The following DCP2 variants were observed in gnomAD, a reference collection of about 807,000 sequenced individuals.
The protein encoded by DCP2 is decapping mRNA 2.
Under a neutral mutation model 56.1 loss-of-function variants are expected in DCP2, and 30 were observed. The ratio of observed to expected loss-of-function variants is 0.53; its 90% CI spans 0.40 to 0.73. The LOEUF is 0.73. Ranked by LOEUF, DCP2 falls within the 30% of genes least tolerant of loss-of-function variation. The pLI, the probability that DCP2 is intolerant of heterozygous loss-of-function variation, is 0.00. For synonymous variants in DCP2, 197 were observed against 163.3 expected (o/e 1.21, Z -1.57); for missense variants, 533 against 502.7 (o/e 1.06, Z -0.58).
At chr5:113,005,627 T>C (rs907073063) in intron 8 of DCP2, among the ~76,000 whole-genome samples, 6 of 152,208 alleles carry the variant, frequency 3.9e-5, no homozygotes, top group Admixed American at 1.3e-4. Context: ...AGAGTTACCA[T>C]GTGACTCAGC....
chr5:112,987,990 A>G (rs1222205128), intron 2 of DCP2, among the ~76,000 whole-genome samples: 2 of 152,220 alleles, frequency 1.3e-5, no homozygotes, highest in East Asian at 1.9e-4. Flanking sequence ...CGTGTACTAG[A>G]ACTAGAGTTG....
At chr5:113,010,231 G>C (rs1353539215) in intron 9 of DCP2, among the ~76,000 whole-genome samples, 3 of 140,148 alleles carry the variant, frequency 2.1e-5, no homozygotes, top group Non-Finnish European at 4.6e-5. Flanking sequence ...TTTTTTGGTA[G>C]AAATAGGTCT....
intron 1 of DCP2, among the ~76,000 whole-genome samples, chr5:112,978,099 C>T (rs1450023762): frequency 6.6e-6 from 1 of 152,084 alleles, no homozygotes; most frequent in Non-Finnish European, 1.5e-5. Flanking sequence ...GCCTCAGCCT[C>T]CCTAGCAGCT....
intron 1 of DCP2, chr5:112,984,695 AAAAAAAAAATAT>A (rs1748169081): frequency 1.3e-5 from 1 of 75,754 alleles, no homozygotes; most frequent in Admixed American, 1.2e-4. Context: ...TTAAAAAAAA[AAAAAAAAAATAT>A]ATATATATAT....
chr5:112,996,326 T>G lies in DCP2; in HGVS notation c.432+3556T>G, dbSNP rs1580813347. Among the ~76,000 whole-genome samples, 2 of 152,230 alleles carry G rather than the reference T, an allele frequency of 1.3e-5. 1 individual carries two copies. The highest frequency in any genetic ancestry group is 4.1e-4 in the South Asian group (2 of 4,832). The stretch of plus-strand genomic sequence containing the variant: ...TTAATGCCTCGTTTTTCCTTTTCAT[T>G]TCCACTTGTATTAACAGATGAGGAG... On this transcript the variant is annotated intron_variant, in intron 4 of 10. Transcript: ENST00000389063.
rs779097913 is a variant in DCP2, at chr5:112,992,113, A to G, written c.206-8A>G. 43 of 1,613,312 alleles carry G rather than the reference A, an allele frequency of 2.7e-5. No individual in the cohort carries two copies. The highest frequency in any genetic ancestry group is 4.4e-5 in the South Asian group (4 of 90,824). ...AGGAGAAAGTAACTTCCTTGACACT[A>G]TTTATACTCTTCAGTCATTGTCCGT... On this transcript the variant is annotated splice_region_variant and splice_polypyrimidine_tract_variant and intron_variant, in intron 2 of 10. Coordinates refer to ENST00000389063, the MANE Select transcript of DCP2 (RefSeq NM_152624.6).
chr5:112,987,787 A>G (rs1258853694), intron 2 of DCP2, among the ~76,000 whole-genome samples: 2 of 151,230 alleles, frequency 1.3e-5, no homozygotes, highest in Non-Finnish European at 2.9e-5. Context: ...TTTTTATTCC[A>G]TAGGTCTTTT....
intron 9 of DCP2, among the ~76,000 whole-genome samples, chr5:113,009,261 A>C (rs1294544355): frequency 6.6e-6 from 1 of 152,246 alleles, no homozygotes; most frequent in Admixed American, 6.5e-5. Flanking sequence ...TTCACAAAAT[A>C]CTCTCACATT....
rs1484274106 is a variant in DCP2, at chr5:113,020,727, C to A, written c.*7243C>A. 6.6e-6 allele frequency: 1 copy of A among 152,182 alleles called. No homozygotes were observed. Among genetic ancestry groups the A allele is most frequent in the Non-Finnish European group, 1.5e-5 (1 of 68,036 alleles). 9.4% of individuals were successfully genotyped at this position (152,182 alleles called of 1,614,324 possible). A position where few individuals can be genotyped will look rare whatever the true frequency, so the allele number is the denominator to read the frequency against. ...GACCCACTAGAATGTCAGCTGTACT[C>A]TGTACTCTCCACTGAGAAAATGAAC... On this transcript the variant is annotated 3_prime_UTR_variant, in exon 11 of 11. Transcript: ENST00000389063.
intron 8 of DCP2, among the ~76,000 whole-genome samples, chr5:113,004,963 A>C (rs1259218106): frequency 6.6e-6 from 1 of 152,076 alleles, no homozygotes; most frequent in Non-Finnish European, 1.5e-5. Flanking sequence ...GTCTTTACTA[A>C]AAATACAAAA....
rs750887122 is a variant in DCP2 at position 113,010,819 on chromosome 5, C to T, written c.1099+12C>T. On this transcript the variant is annotated intron_variant, in intron 10 of 10. Coordinates refer to ENST00000389063, the MANE Select transcript of DCP2 (RefSeq NM_152624.6). ...TAATTTTGAAACAGGCAAGTCATTTCCTATCTTTTTATAATCTCTGCCTTG... is the reference window on the plus strand; with the variant it reads ...TAATTTTGAAACAGGCAAGTCATTTTCTATCTTTTTATAATCTCTGCCTTG... The T allele has an allele frequency of 3.8e-6, 6 of 1,594,416 alleles. No homozygotes were observed. Among genetic ancestry groups the T allele is most frequent in the Non-Finnish European group, 5.1e-6 (6 of 1,174,292 alleles).
intron 1 of DCP2, among the ~76,000 whole-genome samples, chr5:112,979,680 C>T (rs532809035): frequency 1.3e-5 from 2 of 152,250 alleles, no homozygotes; most frequent in Non-Finnish European, 2.9e-5. Context: ...CAAAATGTGA[C>T]TTTGTAACCT....
Position 113,021,461 on chromosome 5 carries a change from TTAAG to T in DCP2, c.*7979_*7982del, listed in dbSNP as rs144006207. Among the ~76,000 whole-genome samples the T allele has an allele frequency of 9.3e-3, 1,398 of 149,944 alleles. 29 individuals are homozygous for T. The highest frequency in any genetic ancestry group is 0.032 in the African/African-American group (1,313 of 40,796). ...GCAAAAATGAAAATACCTCAAACAA[TTAAG>T]TTTGTTGCTTTAAAGCAAGATTATA... is the stretch of plus-strand genomic sequence containing the variant. On this transcript the variant is annotated 3_prime_UTR_variant, in exon 11 of 11. Coordinates refer to ENST00000389063, the MANE Select transcript of DCP2 (RefSeq NM_152624.6).
Position 112,978,341 on chromosome 5 carries a change from G to A in DCP2, c.53+1355G>A, listed in dbSNP as rs143502258. On this transcript the variant is annotated intron_variant, in intron 1 of 10. Coordinates refer to ENST00000389063, the MANE Select transcript of DCP2 (RefSeq NM_152624.6). ...TGTTTTATTTAATCCTCAGTCAGCC[G>A]TGTTTGGTAGGTGCAGTTAGTATAT... 3.8e-4 allele frequency among the ~76,000 whole-genome samples: 58 copies of A among 152,270 alleles called. No individual in the cohort carries two copies. In the East Asian group the frequency reaches 0.011, roughly 29 times the overall value.
chr5:113,012,099 T>C (rs73235117), intron 10 of DCP2, among the ~76,000 whole-genome samples: 3,758 of 152,234 alleles, frequency 0.025, 171 homozygotes, highest in African/African-American at 0.086. Flanking sequence ...TATTCAGAAA[T>C]TAGTTATTTC....
intron 2 of DCP2, among the ~76,000 whole-genome samples, chr5:112,991,541 C>T (rs964641784): frequency 6.6e-6 from 1 of 152,106 alleles, no homozygotes; most frequent in South Asian, 2.1e-4. Flanking sequence ...TAAAAGTGTT[C>T]TTCATTATGG....
In DCP2 at chr5:113,001,208, T is replaced by A; in HGVS notation, c.557T>A (p.Phe186Tyr). ...IIPGIPKDTK[F>Y]NPKTRREIRN... ...CCAGGAATTCCAAAAGACACAAAAT[T>A]TAACCCAAAAACTAGAAGAGAAATT... The change falls in exon 5 of 11, where the codon TTT becomes TAT. Residue 186 changes from phenylalanine to tyrosine, a missense_variant. Coordinates refer to ENST00000389063, the MANE Select transcript of DCP2 (RefSeq NM_152624.6). 6.2e-7 allele frequency: 1 copy of A among 1,613,462 alleles called. No individual in the cohort carries two copies. Among genetic ancestry groups the A allele is most frequent in the Non-Finnish European group, 8.5e-7 (1 of 1,179,856 alleles).
chr5:113,003,920 T>C (rs749378510), intron 7 of DCP2, 22 bp from the exon 8 acceptor site: 1 of 1,613,568 alleles, frequency 6.2e-7, no homozygotes, highest in Non-Finnish European at 8.5e-7. Flanking sequence ...CTGATTTGAT[T>C]ATTTTTTAAA....
At chr5:112,992,307 A>G in intron 3 of DCP2, 59 bp downstream of exon 3, 5 of 1,563,914 alleles carry the variant, frequency 3.2e-6, no homozygotes, top group African/African-American at 1.4e-5. Context: ...TGTTAACAAA[A>G]TTTGTTATTG....
Sources: allele counts gnomAD v4.1 joint callset (sites outside exome capture counted in the v4.1 genomes callset), GRCh38; gene constraint gnomAD v4.1.1; transcripts MANE v1.5; gene names NCBI Gene and HGNC (gene_info 2026-07-23, HGNC 2026-07-21).